FNIP2: variants seen among roughly 807,000 people sequenced by gnomAD.
FNIP2 encodes the protein folliculin interacting protein 2, also known as folliculin-interacting protein 2.
FNIP2 carries 32 observed loss-of-function variants against 108.7 expected under a neutral mutation model. The observed-to-expected ratio is 0.29, with a 90% CI of 0.22 to 0.40. The LOEUF is 0.40. Among genes scored for constraint, FNIP2 ranks in the 10% least tolerant of loss-of-function variants. FNIP2 has a pLI of 1.00. For missense variants in FNIP2, 1,202 were observed against 1,381.6 expected (o/e 0.87, Z 2.06); for synonymous variants, 480 against 496.7 (o/e 0.97, Z 0.45).
intron 16 of FNIP2, among the ~76,000 whole-genome samples, chr4:158,897,055 A>G (rs1237838242): frequency 6.7e-6 from 1 of 149,092 alleles, no homozygotes; most frequent in Non-Finnish European, 1.5e-5. Flanking sequence ...GTGTGTTGTC[A>G]TTGTTCAACT....
intron 14 of FNIP2, chr4:158,890,325 T>C (rs1453981895): frequency 5.1e-6 from 5 of 984,888 alleles, no homozygotes; most frequent in Non-Finnish European, 6.0e-6. Flanking sequence ...ATTACCAGGG[T>C]TTTTCCTACT....
chr4:158,829,132 C>T lies in FNIP2; in HGVS notation c.288C>T (p.Ser96=), dbSNP rs757791558. ...CAGCCAAGTGCTGCCAGGGAAGCAG[C>T]AGTGTCAGCAGCAGTAGCAGCAGCA... ...KISAKCCQGS[S]SVSSSSSSSI... The change falls in exon 3 of 17, where the codon AGC becomes AGT. Residue 96 remains serine, a synonymous_variant. Coordinates refer to ENST00000264433, the MANE Select transcript of FNIP2 (RefSeq NM_020840.3). The T allele has an allele frequency of 1.9e-6, 3 of 1,612,580 alleles. No individual in the cohort carries two copies. The highest frequency in any genetic ancestry group is 2.5e-6 in the Non-Finnish European group (3 of 1,179,234).
intron 3 of FNIP2, among the ~76,000 whole-genome samples, chr4:158,831,179 G>T (rs1430479271): frequency 6.6e-6 from 1 of 152,152 alleles, no homozygotes; most frequent in Non-Finnish European, 1.5e-5. Flanking sequence ...TGACCAAGAG[G>T]GAGGAGGTCA....
Position 158,831,943 on chromosome 4 carries a change from TA to T in FNIP2, c.467del (p.Lys156ArgfsTer11). On this transcript the variant is annotated frameshift_variant, in exon 4 of 17. Transcript: ENST00000264433. LOFTEE classifies it high-confidence loss of function. The part of the protein sequence containing the change: ...SVAMSYKGST[L>X]KIHYIRSPPQ... ...GCCATGAGTTACAAAGGCTCCACCT[TA>T]AAGATACACTACATACGGTGAGTCT... 1 of 1,611,016 alleles carries T rather than the reference TA, an allele frequency of 6.2e-7. No individual in the cohort carries two copies. Among genetic ancestry groups the T allele is most frequent in the Non-Finnish European group, 8.5e-7 (1 of 1,178,258 alleles).
rs550249182 is a variant in FNIP2, at chr4:158,830,558, G to A, written c.382-1303G>A. ...ATCACAGGCGTGAGCCACCGCGCCC[G>A]GCCCAGATTTATCTTTCTCTTTCCG... On this transcript the variant is annotated intron_variant, in intron 3 of 16. Transcript: ENST00000264433. Among the ~76,000 whole-genome samples the A allele has an allele frequency of 9.9e-5, 15 of 152,210 alleles. 1 individual carries two copies. In the South Asian group the frequency reaches 2.3e-3, roughly 23 times the overall value.
chr4:158,829,149 G>A lies in FNIP2; in HGVS notation c.305G>A (p.Ser102Asn). The A allele has an allele frequency of 6.2e-7, 1 of 1,611,662 alleles. No individual in the cohort carries two copies. The highest frequency in any genetic ancestry group is 8.5e-7 in the Non-Finnish European group (1 of 1,178,498). ...GGAAGCAGCAGTGTCAGCAGCAGTA[G>A]CAGCAGCAGCATCTCTTCCCACAGT... ...CQGSSSVSSS[S>N]SSSISSHSSS... The change falls in exon 3 of 17, where the codon AGC (serine) becomes AAC (asparagine). Residue 102 changes from serine to asparagine, a missense_variant. Physicochemically the swap from Ser to Asn is conservative, Grantham distance 46. Around this residue, in one of 5 missense-constraint regions of FNIP2, gnomAD observed 173 missense variants for 165.9 expected, o/e 1.04. Coordinates refer to ENST00000264433, the MANE Select transcript of FNIP2 (RefSeq NM_020840.3).
intron 1 of FNIP2, among the ~76,000 whole-genome samples, chr4:158,777,945 T>C (rs1775912634): frequency 6.6e-6 from 1 of 152,182 alleles, no homozygotes; most frequent in South Asian, 2.1e-4. Flanking sequence ...TTCTTTCGTA[T>C]CCTTTTGGAA....
chr4:158,777,991 C>T (rs1030463393), intron 1 of FNIP2, among the ~76,000 whole-genome samples: 1 of 152,062 alleles, frequency 6.6e-6, no homozygotes, highest in Non-Finnish European at 1.5e-5. Context: ...AAATTCTTTC[C>T]CTCAGACAGA....
rs570487444 is a variant in FNIP2, at chr4:158,902,828, C to T, written c.3267-1638C>T. 2.6e-4 allele frequency among the ~76,000 whole-genome samples: 39 copies of T among 152,228 alleles called. No individual in the cohort carries two copies. In the East Asian group the frequency reaches 7.2e-3, roughly 28 times the overall value. On this transcript the variant is annotated intron_variant, in intron 16 of 16. Transcript: ENST00000264433. ...CTCAAGTCTCAGCAATGGTGGATGC[C>T]CCTCCCCCAACCAACCTCAAACGTC...
chr4:158,795,960 T>G (rs1406785384), intron 1 of FNIP2: 1 of 152,102 alleles, frequency 6.6e-6, no homozygotes, highest in Admixed American at 6.6e-5. Context: ...CTGGAAAAGG[T>G]TGGGGACCGC....
At chr4:158,859,346 C>T in intron 9 of FNIP2, 88 bp downstream of exon 9, 2 of 1,396,426 alleles carry the variant, frequency 1.4e-6, no homozygotes, top group Non-Finnish European at 1.9e-6. Flanking sequence ...TATCAGATGT[C>T]TTTCCTAAGG....
At chr4:158,786,217 GA>G in intron 1 of FNIP2, among the ~76,000 whole-genome samples, 1 of 152,300 alleles carries the variant, frequency 6.6e-6, no homozygotes, top group Non-Finnish European at 1.5e-5. Flanking sequence ...ACTCATTGCT[GA>G]AAAGACCACT....
At chr4:158,844,933 G>C (rs921965337) in intron 7 of FNIP2, among the ~76,000 whole-genome samples, 1 of 152,190 alleles carries the variant, frequency 6.6e-6, no homozygotes, top group Non-Finnish European at 1.5e-5. Flanking sequence ...ATCTCTGCAG[G>C]TATAAATGGA....
chr4:158,841,702 A>G (rs1427648839), intron 7 of FNIP2, among the ~76,000 whole-genome samples: 1 of 152,166 alleles, frequency 6.6e-6, no homozygotes, highest in East Asian at 1.9e-4. Context: ...GGAGGCTGTC[A>G]TGATAGTTTC....
intron 12 of FNIP2, among the ~76,000 whole-genome samples, chr4:158,861,979 A>G (rs1430777754): frequency 1.3e-5 from 2 of 152,206 alleles, no homozygotes; most frequent in Admixed American, 1.3e-4. Context: ...GCTTTGTGCT[A>G]CACTCTTAAA....
In FNIP2 at chr4:158,856,371, T is replaced by A. The variant is rs142721330; in HGVS notation, c.858-2686T>A. Among the ~76,000 whole-genome samples the A allele has an allele frequency of 2.8e-3, 419 of 152,328 alleles. 3 individuals are homozygous for A. Among genetic ancestry groups the A allele is most frequent in the African/African-American group, 9.6e-3 (398 of 41,566 alleles). ...TGATACCAGTGATAGATTATTGAGA[T>A]GTACTTAAATAGCCATTTTTGCTTT... On this transcript the variant is annotated intron_variant, in intron 8 of 16. Transcript: ENST00000264433.
chr4:158,800,571 A>T (rs564242700), intron 1 of FNIP2, among the ~76,000 whole-genome samples: 15 of 152,294 alleles, frequency 9.8e-5, no homozygotes, highest in East Asian at 3.9e-4. Flanking sequence ...AATTTTTTTT[A>T]AAAATAGTTT....
Position 158,906,598 on chromosome 4 carries a change from C to G in FNIP2, c.*2054C>G, listed in dbSNP as rs1729863888. The G allele has an allele frequency of 6.6e-6, 1 of 152,270 alleles. No homozygotes were observed. Among genetic ancestry groups the G allele is most frequent in the East Asian group, 1.9e-4 (1 of 5,188 alleles). The allele number at this position is 152,270 out of a possible 1,614,324, so 9.4% of individuals were successfully genotyped here. A position where few individuals can be genotyped will look rare whatever the true frequency, so the allele number is the denominator to read the frequency against. On this transcript the variant is annotated 3_prime_UTR_variant, in exon 17 of 17. Coordinates refer to ENST00000264433, the MANE Select transcript of FNIP2 (RefSeq NM_020840.3). ...TCTTAATTTAATGTTCCAAAACTCA[C>G]TCTTGGAAAAATGCCTGTTGGAAAA...
chr4:158,769,412 T>A (rs1775617306), intron 1 of FNIP2, 93 bp downstream of exon 1: 1 of 780,168 alleles, frequency 1.3e-6, no homozygotes, highest in Non-Finnish European at 1.8e-6. Flanking sequence ...GGGAAGGGAC[T>A]GTCCAGGACG....
Sources: gnomAD v4.1 joint callset for allele counts (sites outside exome capture counted in the v4.1 genomes callset) on GRCh38, gnomAD v4.1.1 for gene constraint, gnomAD v4.1.1 regional missense constraint, MANE v1.5 for transcripts, NCBI Gene and HGNC (gene_info 2026-07-23, HGNC 2026-07-21) for gene names.